The following NUP98 variants were observed in gnomAD, a reference collection of about 807,000 sequenced individuals.
The protein encoded by NUP98 is nucleoporin 98 and 96 precursor, also known as nuclear pore complex protein Nup98-Nup96.
In NUP98, 26 loss-of-function variants were observed where a neutral mutation model predicts 191.9. That is an observed-to-expected ratio of 0.14 (90% CI 0.10 to 0.19). The LOEUF is 0.19. Ranked by LOEUF, NUP98 falls within the 10% of genes least tolerant of loss-of-function variation. The pLI is 1.00. For synonymous variants in NUP98, 808 were observed against 778.4 expected (o/e 1.04, Z -0.63); for missense variants, 1,941 against 2,178.8 (o/e 0.89, Z 2.17).
intron 31 of NUP98, 48 bp downstream of exon 31, chr11:3,679,506 G>C (rs762719540): frequency 5.0e-6 from 8 of 1,606,462 alleles, no homozygotes; most frequent in Non-Finnish European, 6.8e-6. Flanking sequence ...GAAGATTTAA[G>C]GGCCTGAGAA....
In NUP98 at chr11:3,746,294, A is replaced by AAAAACG. The variant is rs144936005; in HGVS notation, c.1268-1646_1268-1645insCGTTTT. On this transcript the variant is annotated intron_variant, in intron 11 of 32. Coordinates refer to ENST00000324932, the MANE Select transcript of NUP98 (RefSeq NM_016320.5). ...CAAAAAAAAAAAAAAAAAAAAAAAA[A>AAAAACG]GACAGCTTTGGGACAAAGAATAAGA... 2.3e-3 allele frequency among the ~76,000 whole-genome samples: 213 copies of AAAAACG among 93,076 alleles called. 3 individuals carry two copies. The highest frequency in any genetic ancestry group is 3.2e-3 in the Non-Finnish European group (162 of 51,122). The allele number at this position is 93,076 out of a possible 152,430, so 61.1% of individuals were successfully genotyped here.
At chr11:3,690,501 C>T (rs1201131468) in intron 28 of NUP98, among the ~76,000 whole-genome samples, 2 of 152,058 alleles carry the variant, frequency 1.3e-5, no homozygotes, top group Non-Finnish European at 2.9e-5. Flanking sequence ...ACCTCGTGAT[C>T]CGCACACCTT....
rs200047379 is a variant in NUP98, at chr11:3,784,584, AC to A, written c.-28-2440del. Among the ~76,000 whole-genome samples, 56 of 100,048 alleles carry A rather than the reference AC, an allele frequency of 5.6e-4. 6 individuals carry two copies. The highest frequency in any genetic ancestry group is 6.7e-4 in the Non-Finnish European group (32 of 47,956). 65.6% of individuals were successfully genotyped at this position (100,048 alleles called of 152,430 possible). On this transcript the variant is annotated intron_variant, in intron 1 of 32. Transcript: ENST00000324932. ...CAGCAAGACTCTGTCTCTATTAAAAACAAAAAAAAAACAAAAAAAAACAAAA... is the reference window on the plus strand; with the variant it reads ...CAGCAAGACTCTGTCTCTATTAAAAAAAAAAAAAAACAAAAAAAAACAAAA...
Position 3,676,490 on chromosome 11 carries a change from G to A in NUP98, c.5185+19C>T, listed in dbSNP as rs770116378. ...CAGGAAGCAAGAAGGCAGAAAGAGTGAGGAGGTTAGAGGCTTACCTGACTG... is the reference window on the plus strand; with the variant it reads ...CAGGAAGCAAGAAGGCAGAAAGAGTAAGGAGGTTAGAGGCTTACCTGACTG... On this transcript the variant is annotated intron_variant, in intron 32 of 32. Coordinates refer to ENST00000324932, the MANE Select transcript of NUP98 (RefSeq NM_016320.5). 6 of 1,606,764 alleles carry A rather than the reference G, an allele frequency of 3.7e-6. No individual in the cohort carries two copies. The East Asian group carries it at 6.7e-5, about 18-fold the overall frequency.
rs561450266 is a variant in NUP98, at chr11:3,684,213, A to AAAAAC, written c.4677-777_4677-773dup. 3.7e-4 allele frequency among the ~76,000 whole-genome samples: 56 copies of AAAAAC among 152,238 alleles called. No individual in the cohort carries two copies. In the East Asian group the frequency reaches 4.8e-3, roughly 13 times the overall value. On this transcript the variant is annotated intron_variant, in intron 29 of 32. Coordinates refer to ENST00000324932, the MANE Select transcript of NUP98 (RefSeq NM_016320.5). Reference sequence around the variant, plus strand: ...GGCGACAAGACCGAAACTCCATCTCAAAAACAAAACAAAACAAAACAAACA... The same window carrying AAAAAC: ...GGCGACAAGACCGAAACTCCATCTCAAAAACAAAACAAAACAAAACAAAACAAACA...
In NUP98 at chr11:3,683,436, C is replaced by G. The variant is rs2078035732; in HGVS notation, c.4682G>C (p.Arg1561Pro). 6.2e-7 allele frequency: 1 copy of G among 1,614,080 alleles called. No individual in the cohort carries two copies. Residue 1561 changes from arginine (R) to proline (P), a missense_variant, in exon 30 of 33, where the codon CGT (arginine) becomes CCT (proline). By Grantham distance (103) the Arg-to-Pro change is moderately radical. This residue lies in a region of NUP98 where 1,030 missense variants were observed against 1,115.8 expected (regional missense o/e 0.92). Transcript: ENST00000324932. The part of the protein sequence containing the change: ...VLLHIDNSGI[R>P]EKAVRELLTR... ...AAGCAGCTCTCGAACAGCCTTCTCACGTATGCTACAGGGAGAGATAAGCTA... is the reference window on the plus strand; with the variant it reads ...AAGCAGCTCTCGAACAGCCTTCTCAGGTATGCTACAGGGAGAGATAAGCTA...
chr11:3,709,748 G>A (rs2078975580), intron 20 of NUP98, among the ~76,000 whole-genome samples: 1 of 142,422 alleles, frequency 7.0e-6, no homozygotes, highest in Non-Finnish European at 1.5e-5. Flanking sequence ...CAATTAGCCT[G>A]CCTTGATGTT....
At chr11:3,791,746 G>A (rs1448736979) in intron 1 of NUP98, among the ~76,000 whole-genome samples, 2 of 151,268 alleles carry the variant, frequency 1.3e-5, no homozygotes, top group Admixed American at 1.3e-4. Flanking sequence ...AGGAGGCTGA[G>A]GCAGGAGAAT....
intron 1 of NUP98, among the ~76,000 whole-genome samples, chr11:3,783,987 T>A (rs61896901): frequency 0.093 from 14,111 of 152,248 alleles, 797 homozygotes; most frequent in African/African-American, 0.15. Flanking sequence ...GCTACCTCTT[T>A]TCTGCTAGCA....
intron 23 of NUP98, among the ~76,000 whole-genome samples, chr11:3,701,706 G>A (rs367602114): frequency 6.8e-6 from 1 of 146,820 alleles, no homozygotes; most frequent in South Asian, 2.1e-4. Flanking sequence ...TTTTTTTTGA[G>A]ACTGAGTCTC....
intron 9 of NUP98, among the ~76,000 whole-genome samples, 156 bp from the exon 10 acceptor site, chr11:3,760,782 CA>C: frequency 6.6e-6 from 1 of 152,158 alleles, no homozygotes; most frequent in East Asian, 1.9e-4. Context: ...TAAAGGCTAT[CA>C]AAAAATAATC....
At chr11:3,776,807 A>G (rs2081748208) in intron 4 of NUP98, among the ~76,000 whole-genome samples, 1 of 151,572 alleles carries the variant, frequency 6.6e-6, no homozygotes, top group Non-Finnish European at 1.5e-5. Flanking sequence ...AGAAATTCAT[A>G]CAGAAAGATA....
At chr11:3,698,756 T>C (rs1411230580) in intron 25 of NUP98, among the ~76,000 whole-genome samples, 1 of 128,986 alleles carries the variant, frequency 7.8e-6, no homozygotes, top group African/African-American at 3.1e-5. Flanking sequence ...AAAAAAGTCA[T>C]GGTTCCTATT....
intron 30 of NUP98, among the ~76,000 whole-genome samples, chr11:3,680,138 G>C (rs569929654): frequency 6.6e-6 from 1 of 152,330 alleles, no homozygotes; most frequent in South Asian, 2.1e-4. Context: ...GGTGTTGCCT[G>C]CTGAAGGTTG....
intron 11 of NUP98, among the ~76,000 whole-genome samples, chr11:3,747,601 A>T (rs777184353): frequency 1.8e-4 from 27 of 152,182 alleles, no homozygotes; most frequent in Non-Finnish European, 2.8e-4. Context: ...TTATACTAAG[A>T]TTGGTTTCTT....
At chr11:3,684,635 GA>G (rs2134022646) in intron 29 of NUP98, among the ~76,000 whole-genome samples, 1 of 152,002 alleles carries the variant, frequency 6.6e-6, no homozygotes, top group South Asian at 2.1e-4. Context: ...AGGGGAAGAA[GA>G]AAGAGAAACT....
chr11:3,765,785 G>A (rs2081317268), intron 8 of NUP98, among the ~76,000 whole-genome samples: 1 of 123,610 alleles, frequency 8.1e-6, no homozygotes, highest in Admixed American at 8.8e-5. Flanking sequence ...TGGGCAATTA[G>A]AACAAGACTC....
chr11:3,796,151 G>C (rs1037538902), intron 1 of NUP98, among the ~76,000 whole-genome samples: 2 of 151,962 alleles, frequency 1.3e-5, no homozygotes, highest in South Asian at 4.2e-4. Context: ...CTCTCTTTTT[G>C]CTCTTTATTC....
rs749766875 is a variant in NUP98, at chr11:3,695,449, C to T, written c.4167G>A (p.Pro1389=). Residue 1389 remains proline (P), a splice_region_variant and synonymous_variant, in exon 26 of 33, where the codon CCG becomes CCA. Coordinates refer to ENST00000324932, the MANE Select transcript of NUP98 (RefSeq NM_016320.5). The part of the protein sequence containing the change: ...LRIFALLAGK[P]VWQLSEKKQI... ...ATATTATGGTAAAAGTAGAAGATAC[C>T]GGTTTTCCAGCCAACAGAGCAAAGA... 2 of 1,534,728 alleles carry T rather than the reference C, an allele frequency of 1.3e-6. No individual in the cohort carries two copies. The highest frequency in any genetic ancestry group is 2.4e-5 in the East Asian group (1 of 42,130).
Sources: gnomAD v4.1 joint callset for allele counts (sites outside exome capture counted in the v4.1 genomes callset) on GRCh38, gnomAD v4.1.1 for gene constraint, gnomAD v4.1.1 regional missense constraint, MANE v1.5 for transcripts, NCBI Gene and HGNC (gene_info 2026-07-23, HGNC 2026-07-21) for gene names.